The following ADCK1 variants were observed in gnomAD, a reference collection of about 807,000 sequenced individuals.
The protein encoded by ADCK1 is aarF domain-containing protein kinase 1.
Under a neutral mutation model 52.3 loss-of-function variants are expected in ADCK1, and 41 were observed. The observed-to-expected ratio is 0.78, with a 90% CI of 0.61 to 1.02. The LOEUF (loss-of-function observed/expected upper bound fraction) is 1.02, where lower values mean the gene tolerates loss of function less well. Ranked by LOEUF, ADCK1 falls within the 50% of genes least tolerant of loss-of-function variation. The pLI is 0.00. For synonymous variants in ADCK1, 250 were observed against 274.6 expected (o/e 0.91, Z 0.89); for missense variants, 658 against 679.5 (o/e 0.97, Z 0.35).
chr14:77,925,708 TG>T, intron 8 of ADCK1, 55 bp from the exon 9 acceptor site: 1 of 1,573,966 alleles, frequency 6.4e-7, no homozygotes, highest in Non-Finnish European at 8.7e-7. Flanking sequence ...GCCAGGGACT[TG>T]GGCCTTTGGT....
chr14:77,858,227 T>C (rs9323656), intron 3 of ADCK1, among the ~76,000 whole-genome samples: 9,358 of 152,128 alleles, frequency 0.062, 346 homozygotes, highest in Middle Eastern at 0.12. Flanking sequence ...TCCTTTGATA[T>C]TTATTAGTGA....
chr14:77,820,744 A>G (rs1006517947), intron 2 of ADCK1, among the ~76,000 whole-genome samples: 15 of 149,228 alleles, frequency 1.0e-4, no homozygotes, highest in African/African-American at 3.2e-4. Context: ...ATCCAAATCC[A>G]TATATATATA....
intron 6 of ADCK1, 116 bp downstream of exon 6, chr14:77,899,374 T>A: frequency 7.3e-7 from 1 of 1,366,422 alleles, no homozygotes; most frequent in Non-Finnish European, 1.0e-6. Context: ...TCTTCCTGAG[T>A]CCTCTTACTG....
intron 6 of ADCK1, among the ~76,000 whole-genome samples, chr14:77,906,591 C>T (rs902945449): frequency 6.6e-6 from 1 of 152,176 alleles, no homozygotes; most frequent in Non-Finnish European, 1.5e-5. Context: ...CTTCACATAG[C>T]AAGAAGGTTT....
chr14:77,921,322 G>T (rs2084046874), intron 7 of ADCK1, among the ~76,000 whole-genome samples: 1 of 24,012 alleles, frequency 4.2e-5, no homozygotes. Flanking sequence ...GTGAGACTCT[G>T]TCTCAAAAAA....
chr14:77,860,261 G>A (rs1243645945), intron 4 of ADCK1, among the ~76,000 whole-genome samples: 2 of 152,220 alleles, frequency 1.3e-5, no homozygotes, highest in Non-Finnish European at 2.9e-5. Context: ...GACCATGACA[G>A]TCCTTTTACT....
intron 4 of ADCK1, among the ~76,000 whole-genome samples, chr14:77,876,753 A>G (rs1485019803): frequency 6.6e-6 from 1 of 152,202 alleles, no homozygotes; most frequent in Non-Finnish European, 1.5e-5. Flanking sequence ...CTGAGCCAGT[A>G]GAGTTATGTT....
chr14:77,919,334 A>G (rs2083996401), intron 7 of ADCK1, among the ~76,000 whole-genome samples: 1 of 152,228 alleles, frequency 6.6e-6, no homozygotes, highest in Admixed American at 6.5e-5. Context: ...GTGGAAACAT[A>G]CGATACTTGT....
At chr14:77,869,080 G>A (rs1310601169) in intron 4 of ADCK1, among the ~76,000 whole-genome samples, 1 of 152,170 alleles carries the variant, frequency 6.6e-6, no homozygotes, top group African/African-American at 2.4e-5. Flanking sequence ...GCAGTTGGTG[G>A]TGAGTAATGA....
At position 77,822,466 on chromosome 14, in the gene ADCK1, C is replaced by T. The variant is rs770749031; in HGVS notation, c.167C>T (p.Ser56Phe). The change falls in exon 3 of 11, where the codon TCC (serine) becomes TTC (phenylalanine). Residue 56 changes from serine to phenylalanine, a missense_variant. Ser to Phe is a radical substitution (Grantham distance 155). Transcript: ENST00000238561. ...TAVISYDYLT[S>F]LKSVPYGSEE... Reference sequence around the variant, plus strand: ...GTCATCAGTTACGACTACCTCACTTCCCTGAAGAGTGTCCCTTATGGCTCA... The same window carrying T: ...GTCATCAGTTACGACTACCTCACTTTCCTGAAGAGTGTCCCTTATGGCTCA... 2.5e-6 allele frequency: 4 copies of T among 1,614,032 alleles called. No individual in the cohort carries two copies. Among genetic ancestry groups the T allele is most frequent in the Non-Finnish European group, 2.5e-6 (3 of 1,180,018 alleles).
At chr14:77,866,466 G>A (rs922635254) in intron 4 of ADCK1, among the ~76,000 whole-genome samples, 1 of 152,136 alleles carries the variant, frequency 6.6e-6, no homozygotes, top group Non-Finnish European at 1.5e-5. Flanking sequence ...GGCAGCCTGG[G>A]TTTCTAGGGC....
Position 77,817,979 on chromosome 14 carries a change from C to A in ADCK1, c.-11-989C>A, listed in dbSNP as rs539262488. Among the ~76,000 whole-genome samples the A allele has an allele frequency of 1.1e-4, 16 of 151,792 alleles. No individual in the cohort carries two copies. In the East Asian group the frequency reaches 2.2e-3, roughly 20 times the overall value. ...GGTCTTGATCTCCTGACCTTGTGAT[C>A]TGCCCGCCTTGGCCTCCCAAAGTGC... On this transcript the variant is annotated intron_variant, in intron 1 of 10. Transcript: ENST00000238561.
chr14:77,890,248 C>G (rs2083255889), intron 5 of ADCK1, among the ~76,000 whole-genome samples: 1 of 152,172 alleles, frequency 6.6e-6, no homozygotes, highest in African/African-American at 2.4e-5. Flanking sequence ...TGGAGTGGCT[C>G]ATTTCCTGGC....
In ADCK1 at chr14:77,887,120, C is replaced by T. The variant is rs555961756; in HGVS notation, c.453C>T (p.Asp151=). Residue 151 remains aspartate, a synonymous_variant, in exon 5 of 11, where the codon GAC becomes GAT. Transcript: ENST00000238561. Reference sequence around the variant, plus strand: ...ATGATTTGTTCCAGAGCTTCGATGACACCCCTCTGGGGACGGCCTCCCTGG... The same window carrying T: ...ATGATTTGTTCCAGAGCTTCGATGATACCCCTCTGGGGACGGCCTCCCTGG... The part of the protein sequence containing the change: ...EIHDLFQSFD[D]TPLGTASLAQ... 1.0e-5 allele frequency: 16 copies of T among 1,600,982 alleles called. 1 individual carries two copies. The South Asian group carries it at 1.7e-4, about 17-fold the overall frequency.
intron 3 of ADCK1, among the ~76,000 whole-genome samples, chr14:77,839,282 C>T (rs1179678681): frequency 3.9e-5 from 6 of 152,158 alleles, no homozygotes; most frequent in Non-Finnish European, 7.3e-5. Context: ...CATGTGATTA[C>T]GAGGACTAGT....
intron 3 of ADCK1, among the ~76,000 whole-genome samples, chr14:77,841,807 G>C (rs902121860): frequency 5.7e-5 from 8 of 141,244 alleles, no homozygotes; most frequent in African/African-American, 2.1e-4. Context: ...TCACACCACT[G>C]CACTCCAGCC....
chr14:77,913,793 G>A (rs1262022085), intron 7 of ADCK1, among the ~76,000 whole-genome samples: 1 of 152,202 alleles, frequency 6.6e-6, no homozygotes, highest in African/African-American at 2.4e-5. Context: ...GAAGATTGGG[G>A]GTAGTCCTGG....
intron 1 of ADCK1, among the ~76,000 whole-genome samples, chr14:77,814,119 T>C (rs1179102091): frequency 6.6e-6 from 1 of 151,068 alleles, no homozygotes; most frequent in Admixed American, 6.6e-5. Flanking sequence ...CACTCTGTCA[T>C]TGAGGCTGGG....
intron 4 of ADCK1, among the ~76,000 whole-genome samples, chr14:77,883,422 T>C (rs1426733875): frequency 6.6e-6 from 1 of 152,088 alleles, no homozygotes; most frequent in Non-Finnish European, 1.5e-5. Context: ...TAATTCTGCT[T>C]TCGGGACAGG....
Sources: allele counts gnomAD v4.1 joint callset (sites outside exome capture counted in the v4.1 genomes callset), GRCh38; gene constraint gnomAD v4.1.1; transcripts MANE v1.5; gene names NCBI Gene and HGNC (gene_info 2026-07-23, HGNC 2026-07-21).